CPEB4: variants seen among roughly 807,000 people sequenced by gnomAD.
CPEB4 encodes the protein cytoplasmic polyadenylation element binding protein 4.
A neutral mutation model predicts 72.5 loss-of-function variants in CPEB4; 12 were observed. The observed-to-expected ratio is 0.17, with a 90% CI of 0.11 to 0.27. The LOEUF (loss-of-function observed/expected upper bound fraction) is 0.27. CPEB4 is among the 10% of genes least tolerant of loss of function. The pLI, the probability that CPEB4 is intolerant of heterozygous loss-of-function variation, is 1.00. For synonymous variants in CPEB4, 302 were observed against 326.3 expected (o/e 0.93, Z 0.80); for missense variants, 614 against 908.5 (o/e 0.68, Z 4.17).
At position 173,949,949 on chromosome 5, in the gene CPEB4, C is replaced by A; in HGVS notation, c.1547-11C>A. 6.4e-7 allele frequency: 1 copy of A among 1,574,194 alleles called. No homozygotes were observed. Among genetic ancestry groups the A allele is most frequent in the Non-Finnish European group, 8.7e-7 (1 of 1,147,884 alleles). On this transcript the variant is annotated splice_polypyrimidine_tract_variant and intron_variant, in intron 6 of 9. Coordinates refer to ENST00000265085, the MANE Select transcript of CPEB4 (RefSeq NM_030627.4). ...GAAAACATGTAAGCCTTCTTTCCCCCTTTTTTCCAGGCTATGCATTCCTGC... is the reference window on the plus strand; with the variant it reads ...GAAAACATGTAAGCCTTCTTTCCCCATTTTTTCCAGGCTATGCATTCCTGC...
chr5:173,921,602 G>T (rs1757074984), intron 2 of CPEB4, among the ~76,000 whole-genome samples: 1 of 152,162 alleles, frequency 6.6e-6, no homozygotes, highest in Admixed American at 6.5e-5. Context: ...ATGCCAGGGG[G>T]TAGAGGGAGC....
intron 2 of CPEB4, among the ~76,000 whole-genome samples, chr5:173,931,978 T>C (rs1225416480): frequency 1.3e-4 from 20 of 152,242 alleles, no homozygotes; most frequent in Admixed American, 1.3e-3. Flanking sequence ...TAGTGAAATG[T>C]TCTTCTTCCC....
chr5:173,920,273 T>A (rs1757023728), intron 2 of CPEB4, among the ~76,000 whole-genome samples: 5 of 152,186 alleles, frequency 3.3e-5, no homozygotes, highest in African/African-American at 1.2e-4. Context: ...TTGATGCCAG[T>A]TGCTGTGTAT....
intron 1 of CPEB4, among the ~76,000 whole-genome samples, chr5:173,899,888 C>T (rs17694791): frequency 0.22 from 33,718 of 151,992 alleles, 4,941 homozygotes; most frequent in Non-Finnish European, 0.31. Flanking sequence ...AAACGTGATA[C>T]TTCTGCTCCT....
chr5:173,914,405 AAAAT>A (rs904096581), intron 2 of CPEB4, among the ~76,000 whole-genome samples: 1 of 152,194 alleles, frequency 6.6e-6, no homozygotes, highest in Non-Finnish European at 1.5e-5. Context: ...ATTCATTTTG[AAAAT>A]AAATAAATAA....
intron 2 of CPEB4, chr5:173,918,375 G>T (rs1427872988): frequency 6.6e-6 from 1 of 152,160 alleles, no homozygotes. Flanking sequence ...CTTTTGATCC[G>T]GATTTGTTGG....
chr5:173,896,271 G>A (rs1200872371), intron 1 of CPEB4, among the ~76,000 whole-genome samples: 1 of 152,118 alleles, frequency 6.6e-6, no homozygotes, highest in African/African-American at 2.4e-5. Flanking sequence ...TTAACTTTTT[G>A]TGACAAAATT....
rs1247661180 is a variant in CPEB4 at position 173,890,615 on chromosome 5, A to G, written c.882A>G (p.Thr294=). 3 of 1,613,356 alleles carry G rather than the reference A, an allele frequency of 1.9e-6. No homozygotes were observed. The Admixed American group carries it at 5.0e-5, about 27-fold the overall frequency. Residue 294 remains threonine (T), a synonymous_variant, in exon 1 of 10, where the codon ACA becomes ACG. Coordinates refer to ENST00000265085, the MANE Select transcript of CPEB4 (RefSeq NM_030627.4). ...GCAGCTACCAGAGTCCGTCACCAAC[A>G]CCCTCCTCTTCCTGGAGCCCGGGCG... is the stretch of plus-strand genomic sequence containing the variant. ...PWSSYQSPSP[T]PSSSWSPGGG... is the part of the protein sequence containing the mutation.
intron 4 of CPEB4, 115 bp downstream of exon 4, chr5:173,943,164 C>A: frequency 5.0e-6 from 5 of 1,007,252 alleles, no homozygotes; most frequent in Non-Finnish European, 7.3e-6. Flanking sequence ...TAGCTTTGAT[C>A]CTTAGGTAAT....
Position 173,900,491 on chromosome 5 carries a change from G to A in CPEB4, c.1125+9633G>A, listed in dbSNP as rs1463084701. 2.0e-5 allele frequency among the ~76,000 whole-genome samples: 3 copies of A among 152,138 alleles called. No individual in the cohort carries two copies. Among genetic ancestry groups the A allele is most frequent in the Non-Finnish European group, 4.4e-5 (3 of 68,036 alleles). On this transcript the variant is annotated intron_variant, in intron 1 of 9. Transcript: ENST00000265085. This position sits in a 1 kb window ranked among gnomAD's most constrained non-coding sequence, Gnocchi z 4.4. Reference sequence around the variant, plus strand: ...TCAGACCTAGCAGACATGGAGAACAGGAACTCTAACAGCCAGTTGAGGTCT... The same window carrying A: ...TCAGACCTAGCAGACATGGAGAACAAGAACTCTAACAGCCAGTTGAGGTCT...
intron 2 of CPEB4, among the ~76,000 whole-genome samples, chr5:173,924,311 CAGTTTGGCTTTGATGAA>C (rs753156406): frequency 3.3e-5 from 5 of 151,922 alleles, no homozygotes; most frequent in Non-Finnish European, 5.9e-5. Flanking sequence ...GTATCTTTGC[CAGTTTGGCTTTGATGAA>C]AGTAAGGGGT....
intron 9 of CPEB4, among the ~76,000 whole-genome samples, chr5:173,954,798 A>T (rs1758325911): frequency 6.6e-6 from 1 of 152,172 alleles, no homozygotes; most frequent in Admixed American, 6.5e-5. Flanking sequence ...CTCTGCAATG[A>T]AATCCTTTGC....
At chr5:173,896,970 A>G (rs1756037494) in intron 1 of CPEB4, among the ~76,000 whole-genome samples, 1 of 152,232 alleles carries the variant, frequency 6.6e-6, no homozygotes, top group South Asian at 2.1e-4. Context: ...CACCTTATGT[A>G]TGTGGCCATA....
At chr5:173,938,564 G>A (rs1244383173) in intron 3 of CPEB4, among the ~76,000 whole-genome samples, 1 of 152,072 alleles carries the variant, frequency 6.6e-6, no homozygotes, top group Non-Finnish European at 1.5e-5. Flanking sequence ...TATCATCTGA[G>A]CTACACCCCC....
chr5:173,949,973 G>C lies in CPEB4; in HGVS notation c.1560G>C (p.Leu520=). The C allele has an allele frequency of 6.2e-7, 1 of 1,606,956 alleles. No individual in the cohort carries two copies. The highest frequency in any genetic ancestry group is 1.7e-5 in the Admixed American group (1 of 58,788). ...SYFPPKGYAF[L]LFQDESSVQA... ...CCTTTTTTCCAGGCTATGCATTCCT[G>C]CTGTTTCAAGATGAAAGCTCTGTGC... Residue 520 remains leucine (L), a synonymous_variant, in exon 7 of 10, where the codon CTG becomes CTC. Transcript: ENST00000265085.
chr5:173,895,701 G>A (rs536799791), intron 1 of CPEB4, among the ~76,000 whole-genome samples: 9 of 152,246 alleles, frequency 5.9e-5, no homozygotes, highest in African/African-American at 1.9e-4. Flanking sequence ...GTAAATTGTG[G>A]GTCGGATGGT....
At chr5:173,954,650 G>T (rs1017563253) in intron 9 of CPEB4, among the ~76,000 whole-genome samples, 2 of 152,140 alleles carry the variant, frequency 1.3e-5, no homozygotes, top group African/African-American at 4.8e-5. Context: ...TGGGATTACA[G>T]GCATGAGCCA....
chr5:173,929,119 G>T (rs772320724), intron 2 of CPEB4, among the ~76,000 whole-genome samples: 2 of 152,108 alleles, frequency 1.3e-5, no homozygotes, highest in African/African-American at 4.8e-5. Flanking sequence ...TTTCAGTGTC[G>T]CATTGTGTCT....
chr5:173,910,568 A>G lies in CPEB4; in HGVS notation c.1171A>G (p.Ile391Val). The G allele has an allele frequency of 6.2e-7, 1 of 1,613,474 alleles. No homozygotes were observed. Among genetic ancestry groups the G allele is most frequent in the Non-Finnish European group, 8.5e-7 (1 of 1,179,430 alleles). The part of the protein sequence containing the change: ...FDMHSLESSL[I>V]DIMRAENDTI... ...CATGCACTCACTGGAGAGTTCACTCATTGACATAATGAGAGCTGAAAATGA... is the reference window on the plus strand; with the variant it reads ...CATGCACTCACTGGAGAGTTCACTCGTTGACATAATGAGAGCTGAAAATGA... Residue 391 changes from isoleucine (I) to valine (V), a missense_variant, in exon 2 of 10, where the codon ATT (isoleucine) becomes GTT (valine). By Grantham distance (29) the Ile-to-Val change is conservative (BLOSUM62 3). Around this residue, in one of 5 missense-constraint regions of CPEB4, gnomAD observed 458 missense variants for 548.6 expected, o/e 0.83. Coordinates refer to ENST00000265085, the MANE Select transcript of CPEB4 (RefSeq NM_030627.4).
Sources: allele counts gnomAD v4.1 joint callset (sites outside exome capture counted in the v4.1 genomes callset), GRCh38; gene constraint gnomAD v4.1.1; regional missense constraint gnomAD v4.1.1; non-coding constraint Gnocchi (gnomAD v3.1); transcripts MANE v1.5; gene names NCBI Gene and HGNC (gene_info 2026-07-23, HGNC 2026-07-21).